Variants in PDE4D observed in about 807,000 individuals in gnomAD.
PDE4D encodes the protein 3',5'-cyclic-AMP phosphodiesterase 4D.
PDE4D carries 24 observed loss-of-function variants against 87.4 expected under a neutral mutation model. The observed-to-expected ratio is 0.27, with a 90% CI of 0.20 to 0.39. The LOEUF (loss-of-function observed/expected upper bound fraction) is 0.39. Ranked by LOEUF, PDE4D falls within the 10% of genes least tolerant of loss-of-function variation. PDE4D has a pLI of 1.00. For missense variants in PDE4D, 714 were observed against 1,041.0 expected, an observed-to-expected ratio of 0.69 and a Z score of 4.32; for synonymous variants, 384 against 383.2, an observed-to-expected ratio of 1.00 and a Z score of -0.02.
intron 1 of PDE4D, among the ~76,000 whole-genome samples, chr5:59,801,786 A>G (rs138786592): frequency 6.6e-6 from 1 of 152,354 alleles, no homozygotes; most frequent in Non-Finnish European, 1.5e-5. Context: ...ATAATTAATG[A>G]CAAGAACAAC....
intron 1 of PDE4D, among the ~76,000 whole-genome samples, chr5:60,377,896 C>A (rs1761549621): frequency 1.3e-5 from 2 of 152,188 alleles, no homozygotes; most frequent in East Asian, 3.8e-4. Flanking sequence ...GATCCATCTT[C>A]TCAATGGGAA....
chr5:59,988,612 G>A (rs745781053), exon 3 of PDE4D: 2 of 1,599,322 alleles, frequency 1.3e-6, no homozygotes, highest in Middle Eastern at 1.7e-4. Flanking sequence ...AAGGCGAGAG[G>A]GGGAAGCTGA....
intron 1 of PDE4D, among the ~76,000 whole-genome samples, chr5:60,438,308 T>C (rs952177059): frequency 6.6e-6 from 1 of 152,134 alleles, no homozygotes; most frequent in African/African-American, 2.4e-5. Flanking sequence ...TACTTGGAAA[T>C]GCCTTTCCTG....
intron 2 of PDE4D, among the ~76,000 whole-genome samples, chr5:60,023,075 C>G (rs1358305812): frequency 6.6e-6 from 1 of 152,168 alleles, no homozygotes; most frequent in Non-Finnish European, 1.5e-5. Flanking sequence ...AAACCTCCTT[C>G]TTTGAATCCT....
At chr5:59,957,278 T>A (rs1581906440) in intron 3 of PDE4D, among the ~76,000 whole-genome samples, 1 of 152,022 alleles carries the variant, frequency 6.6e-6, no homozygotes, top group East Asian at 1.9e-4. Flanking sequence ...GAATACTGAG[T>A]GTTGTCATAT....
At chr5:59,952,497 A>G (rs1200588643) in intron 3 of PDE4D, among the ~76,000 whole-genome samples, 1 of 152,178 alleles carries the variant, frequency 6.6e-6, no homozygotes, top group Non-Finnish European at 1.5e-5. Context: ...CCAAAGATTA[A>G]TATACAGATC....
intron 1 of PDE4D, among the ~76,000 whole-genome samples, chr5:59,335,676 T>C (rs1001565732): frequency 2.6e-5 from 4 of 152,186 alleles, no homozygotes; most frequent in Admixed American, 2.0e-4. Flanking sequence ...GAATTGCTCC[T>C]TTAAAAAGTG....
At chr5:59,475,301 T>C (rs1803132205) in intron 1 of PDE4D, among the ~76,000 whole-genome samples, 1 of 152,010 alleles carries the variant, frequency 6.6e-6, no homozygotes, top group Non-Finnish European at 1.5e-5. Context: ...AGAGAAGACA[T>C]ATAGCTTTAT....
At chr5:59,129,512 A>G (rs1016325980) in intron 5 of PDE4D, among the ~76,000 whole-genome samples, 1 of 152,192 alleles carries the variant, frequency 6.6e-6, no homozygotes, top group Non-Finnish European at 1.5e-5. Context: ...TGCTTCATCT[A>G]CTACATAGCT....
chr5:59,012,679 CTTAGA>C, intron 6 of PDE4D, among the ~76,000 whole-genome samples: 1 of 152,280 alleles, frequency 6.6e-6, no homozygotes, highest in Non-Finnish European at 1.5e-5. Flanking sequence ...TACTAAGAGA[CTTAGA>C]CTTCTACACA....
intron 1 of PDE4D, among the ~76,000 whole-genome samples, chr5:59,857,867 AGGAAGGAAGGTG>A (rs1277423860): frequency 1.4e-5 from 2 of 140,006 alleles, no homozygotes; most frequent in Non-Finnish European, 3.1e-5. Context: ...GGAGAGCAGA[AGGAAGGAAGGTG>A]GGAAGGAAGG....
intron 1 of PDE4D, among the ~76,000 whole-genome samples, chr5:59,593,784 G>A (rs1224236421): frequency 6.6e-6 from 1 of 152,172 alleles, no homozygotes; most frequent in Admixed American, 6.6e-5. Context: ...AAGTCTGAAA[G>A]TTGAAAAACT....
At chr5:60,276,786 T>C (rs1751404301) in intron 1 of PDE4D, among the ~76,000 whole-genome samples, 1 of 152,130 alleles carries the variant, frequency 6.6e-6, no homozygotes, top group South Asian at 2.1e-4. Flanking sequence ...TTAACACCAT[T>C]TTATAATGTA....
chr5:60,209,190 T>TTTC (rs926845723), intron 1 of PDE4D, among the ~76,000 whole-genome samples: 2 of 144,162 alleles, frequency 1.4e-5, no homozygotes, highest in African/African-American at 5.1e-5. Flanking sequence ...TTTTTTTCTT[T>TTTC]TTTTTTTTTT....
chr5:60,203,568 ATCTAATTTTT>A (rs1742165679), intron 1 of PDE4D, among the ~76,000 whole-genome samples: 1 of 152,218 alleles, frequency 6.6e-6, no homozygotes, highest in Admixed American at 6.5e-5. Context: ...GCCTAATGTA[ATCTAATTTTT>A]CTACAGCGAA....
intron 3 of PDE4D, among the ~76,000 whole-genome samples, chr5:59,192,498 C>G (rs983109588): frequency 1.3e-5 from 2 of 152,130 alleles, no homozygotes; most frequent in African/African-American, 4.8e-5. Flanking sequence ...CTAGATCTGA[C>G]TGTCTTTCAT....
chr5:60,403,464 T>C (rs1391771361), intron 1 of PDE4D, among the ~76,000 whole-genome samples: 1 of 152,218 alleles, frequency 6.6e-6, no homozygotes, highest in Non-Finnish European at 1.5e-5. Flanking sequence ...CAACAAATAC[T>C]TGCTGAGTGT....
chr5:60,269,755 T>C (rs1168325571), intron 1 of PDE4D, among the ~76,000 whole-genome samples: 1 of 152,232 alleles, frequency 6.6e-6, no homozygotes, highest in Admixed American at 6.5e-5. Flanking sequence ...ATATATTGAT[T>C]TGCTTGGTTT....
intron 1 of PDE4D, among the ~76,000 whole-genome samples, chr5:59,578,405 C>A (rs1040618753): frequency 2.6e-5 from 4 of 152,256 alleles, no homozygotes; most frequent in East Asian, 3.9e-4. Context: ...ACATTCTCAT[C>A]ACAAAACAGT....
Sources: gnomAD v4.1 joint callset for allele counts (sites outside exome capture counted in the v4.1 genomes callset) on GRCh38, gnomAD v4.1.1 for gene constraint, MANE v1.5 for transcripts, NCBI Gene and HGNC (gene_info 2026-07-23, HGNC 2026-07-21) for gene names.